Variants in ELL observed in about 807,000 individuals in gnomAD.
The protein encoded by ELL is RNA polymerase II elongation factor ELL.
Under a neutral mutation model 64.0 loss-of-function variants are expected in ELL, and 18 were observed. That is an observed-to-expected ratio of 0.28 (90% confidence interval 0.19 to 0.42). ELL has a LOEUF of 0.42. Among genes scored for constraint, ELL ranks in the 10% least tolerant of loss-of-function variants. The pLI, the probability that ELL is intolerant of heterozygous loss-of-function variation, is 1.00. For synonymous variants in ELL, 399 were observed against 376.2 expected, an observed-to-expected ratio of 1.06 and a Z score of -0.70; for missense variants, 797 against 870.4, an observed-to-expected ratio of 0.92 and a Z score of 1.06.
At chr19:18,519,100 C>T (rs3888232) in intron 1 of ELL, among the ~76,000 whole-genome samples, 9,071 of 151,482 alleles carry the variant, frequency 0.06, 932 homozygotes, top group African/African-American at 0.21. Flanking sequence ...CGGTTGGTCA[C>T]GCCTGTAATC....
chr19:18,460,629 C>T (rs1053974845), intron 5 of ELL, among the ~76,000 whole-genome samples: 2 of 152,232 alleles, frequency 1.3e-5, no homozygotes, highest in African/African-American at 2.4e-5. Context: ...CAGCCGCGCA[C>T]CCGAGAGGGA....
At chr19:18,463,393 G>A (rs889186158) in intron 4 of ELL, among the ~76,000 whole-genome samples, 3 of 141,144 alleles carry the variant, frequency 2.1e-5, no homozygotes, top group African/African-American at 7.9e-5. Flanking sequence ...GGAGTGCAAT[G>A]GCACAATCTC....
rs543271718 is a variant in ELL at position 18,446,463 on chromosome 19, G to A, written c.1550C>T (p.Ser517Phe). ...GTAGCTCTGGCGCTGCTCCGAAGAG[G>A]AGATGGCTGCGTACTTCCTGAAACA... is the stretch of plus-strand genomic sequence containing the variant. The part of the protein sequence containing the change: ...PDYLLKYAAI[S>F]SSEQRQSYKN... The change falls in exon 10 of 12, where the codon TCC (serine) becomes TTC (phenylalanine). Residue 517 changes from serine to phenylalanine, a missense_variant. Transcript: ENST00000262809. 108 of 1,612,464 alleles carry A rather than the reference G, an allele frequency of 6.7e-5. 2 individuals carry two copies. The South Asian group carries it at 1.1e-3, about 16-fold the overall frequency.
intron 2 of ELL, chr19:18,472,420 G>C: frequency 5.2e-6 from 1 of 191,302 alleles, no homozygotes; most frequent in Non-Finnish European, 1.1e-5. Context: ...TAGGGTTCGC[G>C]CTCCTGTAAG....
chr19:18,457,267 G>A (rs1346283741), intron 6 of ELL, among the ~76,000 whole-genome samples: 1 of 152,232 alleles, frequency 6.6e-6, no homozygotes, highest in Non-Finnish European at 1.5e-5. Context: ...CACTCCACTA[G>A]CTCTGGGCAG....
chr19:18,509,242 C>T (rs982367572), intron 1 of ELL, among the ~76,000 whole-genome samples: 13 of 152,090 alleles, frequency 8.5e-5, no homozygotes, highest in Non-Finnish European at 1.5e-4. Flanking sequence ...TATCACAGTG[C>T]CCACTGAGAC....
At chr19:18,502,114 C>T (rs1286736247) in intron 1 of ELL, among the ~76,000 whole-genome samples, 3 of 152,300 alleles carry the variant, frequency 2.0e-5, no homozygotes, top group Non-Finnish European at 2.9e-5. Context: ...TGGTGCTCTA[C>T]GCTAAGCTGC....
At chr19:18,499,191 G>A (rs1975728380) in intron 1 of ELL, among the ~76,000 whole-genome samples, 1 of 152,124 alleles carries the variant, frequency 6.6e-6, no homozygotes, top group Non-Finnish European at 1.5e-5. Flanking sequence ...GGGCTCAACA[G>A]GAATGACACA....
At chr19:18,521,158 G>A (rs1976261440) in intron 1 of ELL, among the ~76,000 whole-genome samples, 1 of 151,994 alleles carries the variant, frequency 6.6e-6, no homozygotes, top group Admixed American at 6.6e-5. Flanking sequence ...GGGTGGCAGG[G>A]ATCCCCTACA....
chr19:18,463,673 A>G (rs1246471528), intron 4 of ELL, among the ~76,000 whole-genome samples: 1 of 151,890 alleles, frequency 6.6e-6, no homozygotes, highest in Non-Finnish European at 1.5e-5. Flanking sequence ...ACCAGAACAT[A>G]AACTGTTTCA....
intron 9 of ELL, 117 bp downstream of exon 9, chr19:18,446,631 G>C: frequency 6.7e-7 from 1 of 1,499,070 alleles, no homozygotes; most frequent in Non-Finnish European, 9.1e-7. Context: ...GCTATGTTTG[G>C]AATTCACATA....
intron 1 of ELL, among the ~76,000 whole-genome samples, chr19:18,509,150 C>G (rs545136907): frequency 1.5e-4 from 23 of 152,150 alleles, no homozygotes; most frequent in African/African-American, 5.3e-4. Context: ...GAGCAGGAGG[C>G]ACCCACCAGG....
At chr19:18,489,571 T>A (rs976254566) in intron 1 of ELL, among the ~76,000 whole-genome samples, 2 of 152,170 alleles carry the variant, frequency 1.3e-5, no homozygotes, top group Non-Finnish European at 2.9e-5. Flanking sequence ...CAAGTATCTA[T>A]TGGATCACTC....
chr19:18,515,062 G>A (rs1050352115), intron 1 of ELL, among the ~76,000 whole-genome samples: 3 of 152,216 alleles, frequency 2.0e-5, no homozygotes, highest in African/African-American at 7.2e-5. Flanking sequence ...ACAGAGGGGT[G>A]GGTTTCCGAG....
At chr19:18,453,927 G>A (rs887373579) in intron 6 of ELL, among the ~76,000 whole-genome samples, 2 of 152,146 alleles carry the variant, frequency 1.3e-5, no homozygotes, top group Admixed American at 6.5e-5. Context: ...GCCACACAGC[G>A]TATAATTCCA....
chr19:18,452,928 C>T (rs936912656), intron 6 of ELL, among the ~76,000 whole-genome samples: 4 of 152,156 alleles, frequency 2.6e-5, no homozygotes, highest in Admixed American at 1.3e-4. Context: ...CAGAGGAACA[C>T]GAAAATACAT....
In ELL at chr19:18,522,031, T is replaced by A. The variant is rs573675461; in HGVS notation, c.25A>T (p.Ser9Cys). The A allele has an allele frequency of 1.2e-6, 2 of 1,605,666 alleles. No individual in the cohort carries two copies. The highest frequency in any genetic ancestry group is 2.7e-5 in the African/African-American group (2 of 73,414). MAALKEDR[S>C]YGLSCGRVSD... Reference sequence around the variant, plus strand: ...ACCCGCCCGCACGACAGCCCGTAGCTCCTATCCTCCTTCAGCGCCGCCATC... The same window carrying A: ...ACCCGCCCGCACGACAGCCCGTAGCACCTATCCTCCTTCAGCGCCGCCATC... Residue 9 changes from serine to cysteine, a missense_variant, in exon 1 of 12, where the codon AGC becomes TGC. Ser to Cys is a moderately radical substitution (Grantham distance 112, BLOSUM62 -1). Transcript: ENST00000262809.
At position 18,509,591 on chromosome 19, in the gene ELL, GCGCACATACA is replaced by G. The variant is rs1429814817; in HGVS notation, c.135+12320_135+12329del. 1.7e-3 allele frequency among the ~76,000 whole-genome samples: 212 copies of G among 121,788 alleles called. 7 individuals carry two copies. The highest frequency in any genetic ancestry group is 7.8e-3 in the Middle Eastern group (2 of 256). The allele number at this position is 121,788 out of a possible 152,430, so 79.9% of individuals were successfully genotyped here. A position where few individuals can be genotyped will look rare whatever the true frequency, so the allele number is the denominator to read the frequency against. On this transcript the variant is annotated intron_variant, in intron 1 of 11. Transcript: ENST00000262809. ...CACAGGCCAATGCACGTGCGCGCGCGCGCACATACACACACACACACACACACACACACAC... is the reference window on the plus strand; with the variant it reads ...CACAGGCCAATGCACGTGCGCGCGCGCACACACACACACACACACACACAC...
intron 2 of ELL, chr19:18,472,602 C>T: frequency 1.9e-6 from 1 of 534,182 alleles, no homozygotes; most frequent in Non-Finnish European, 3.3e-6. Context: ...TGAAGGGAGC[C>T]ACTGGGAGAG....
Sources: gnomAD v4.1 joint callset for allele counts (sites outside exome capture counted in the v4.1 genomes callset) on GRCh38, gnomAD v4.1.1 for gene constraint, MANE v1.5 for transcripts, NCBI Gene and HGNC (gene_info 2026-07-23, HGNC 2026-07-21) for gene names.